Variants in MMP9 observed in about 807,000 individuals in gnomAD.
MMP9 encodes matrix metalloproteinase-9.
Under a neutral mutation model 76.4 loss-of-function variants are expected in MMP9, and 73 were observed. That is an observed-to-expected ratio of 0.96 (90% confidence interval 0.79 to 1.16). The LOEUF (loss-of-function observed/expected upper bound fraction) is 1.16, where lower values mean the gene tolerates loss of function less well. MMP9 is among the 50% of genes most tolerant of loss of function. MMP9 has a pLI of 0.00. For synonymous variants in MMP9, 412 were observed against 408.4 expected, an observed-to-expected ratio of 1.01 and a Z score of -0.11; for missense variants, 943 against 973.0, an observed-to-expected ratio of 0.97 and a Z score of 0.41.
chr20:46,009,031 G>A lies in MMP9; in HGVS notation c.105G>A (p.Leu35=), dbSNP rs746251320. ...CCCTTGTGCTCTTCCCTGGAGACCTGAGAACCAATCTCACCGACAGGCAGC... is the reference window on the plus strand; with the variant it reads ...CCCTTGTGCTCTTCCCTGGAGACCTAAGAACCAATCTCACCGACAGGCAGC... ...QSTLVLFPGD[L]RTNLTDRQLA... Residue 35 remains leucine, a synonymous_variant, in exon 1 of 13, where the codon CTG becomes CTA. Transcript: ENST00000372330. The A allele has an allele frequency of 5.0e-6, 8 of 1,613,806 alleles. No individual in the cohort carries two copies. The highest frequency in any genetic ancestry group is 3.4e-6 in the Non-Finnish European group (4 of 1,179,966).
chr20:46,014,258 G>T lies in MMP9; in HGVS notation c.1885G>T (p.Gly629Trp). The change falls in exon 11 of 13, where the codon GGG (glycine) becomes TGG (tryptophan). Residue 629 changes from glycine (G) to tryptophan (W), a missense_variant. Physicochemically the swap from Gly to Trp is radical, Grantham distance 184 (BLOSUM62 -2). Transcript: ENST00000372330. ...SGRGKMLLFS[G>W]RRLWRFDVKA... ...CAGGGGGAAGATGCTGCTGTTCAGC[G>T]GGCGGCGCCTCTGGAGGTGAGCGCC... 1 of 1,523,752 alleles carries T rather than the reference G, an allele frequency of 6.6e-7. No individual in the cohort carries two copies. Among genetic ancestry groups the T allele is most frequent in the Middle Eastern group, 2.0e-4 (1 of 4,892 alleles). The allele number at this position is 1,523,752 out of a possible 1,614,324, so 94.4% of individuals were successfully genotyped here. A position where few individuals can be genotyped will look rare whatever the true frequency, so the allele number is the denominator to read the frequency against.
rs1436090899 is a variant in MMP9, at chr20:46,009,079, AG to A, written c.138+16del. On this transcript the variant is annotated intron_variant, in intron 1 of 12. Transcript: ENST00000372330. ...AGCTGGCAGAGGTGGGCAAACACCT[AG>A]TCTAGAGTTGGGGAGGGCTGTCCGT... The A allele has an allele frequency of 1.9e-6, 3 of 1,612,480 alleles. No individual in the cohort carries two copies. In the African/African-American group the frequency reaches 4.0e-5, roughly 22 times the overall value.
rs1299152761 is a variant in MMP9, at chr20:46,011,725, C to G, written c.975C>G (p.Leu325=). 4 of 1,612,970 alleles carry G rather than the reference C, an allele frequency of 2.5e-6. No homozygotes were observed. The highest frequency in any genetic ancestry group is 3.4e-6 in the Non-Finnish European group (4 of 1,179,898). ...ATTANYDRDK[L]FGFCPTRADS... ...CCGCCAACTACGACCGGGACAAGCT[C>G]TTCGGCTTCTGCCCGACCCGAGGTA... The change falls in exon 6 of 13, where the codon CTC becomes CTG. Residue 325 remains leucine, a synonymous_variant. Transcript: ENST00000372330.
Position 46,010,328 on chromosome 20 carries a change from A to AC in MMP9, c.372-155_372-154insC, listed in dbSNP as rs1555856948. On this transcript the variant is annotated intron_variant, in intron 2 of 12. Coordinates refer to ENST00000372330, the MANE Select transcript of MMP9 (RefSeq NM_004994.3). ...TGTGAGGGTCTAAGTAGACAAAAAA[A>AC]AAAAAAAAAAAAACAGTCTGGAAGC... Among the ~76,000 whole-genome samples, 615 of 108,652 alleles carry AC rather than the reference A, an allele frequency of 5.7e-3. 22 individuals are homozygous for AC. The highest frequency in any genetic ancestry group is 0.018 in the African/African-American group (542 of 29,386). 71.3% of individuals were successfully genotyped at this position (108,652 alleles called of 152,430 possible). A position where few individuals can be genotyped will look rare whatever the true frequency, so the allele number is the denominator to read the frequency against.
Position 46,013,167 on chromosome 20 carries a change from C to T in MMP9, c.1331-88C>T, listed in dbSNP as rs2084295126. Reference sequence around the variant, plus strand: ...GGAGGGGCCTGTGTGCCAGAGGAGGCTTCACTGAGAAGCTTAGGGGAGCAG... The same window carrying T: ...GGAGGGGCCTGTGTGCCAGAGGAGGTTTCACTGAGAAGCTTAGGGGAGCAG... On this transcript the variant is annotated intron_variant, in intron 8 of 12. Transcript: ENST00000372330. The surrounding 1 kb of genome is among the most constrained non-coding windows in gnomAD (Gnocchi z 4.5). 6.6e-7 allele frequency: 1 copy of T among 1,506,612 alleles called. No homozygotes were observed. Among genetic ancestry groups the T allele is most frequent in the Admixed American group, 1.7e-5 (1 of 59,842 alleles). 93.3% of individuals were successfully genotyped at this position (1,506,612 alleles called of 1,614,324 possible).
chr20:46,009,174 G>A, intron 1 of MMP9, 110 bp downstream of exon 1: 1 of 1,224,948 alleles, frequency 8.2e-7, no homozygotes, highest in Non-Finnish European at 1.2e-6. Flanking sequence ...TGTTGGTGGT[G>A]ATGGGCGTAT....
chr20:46,012,467 C>T lies in MMP9; in HGVS notation c.1215C>T (p.His405=), dbSNP rs200610760. Reference sequence around the variant, plus strand: ...TCGTGGCGGCGCATGAGTTCGGCCACGCGCTGGGCTTAGATCATTCCTCAG... The same window carrying T: ...TCGTGGCGGCGCATGAGTTCGGCCATGCGCTGGGCTTAGATCATTCCTCAG... The part of the protein sequence containing the change: ...LFLVAAHEFG[H]ALGLDHSSVP... Residue 405 remains histidine (H), a synonymous_variant, in exon 8 of 13, where the codon CAC becomes CAT. Transcript: ENST00000372330. 46 of 1,614,164 alleles carry T rather than the reference C, an allele frequency of 2.8e-5. No individual in the cohort carries two copies. In the Admixed American group the frequency reaches 6.0e-4, roughly 21 times the overall value.
Position 46,013,517 on chromosome 20 carries a change from G to A in MMP9, c.1593G>A (p.Leu531=), listed in dbSNP as rs1216646947. ...CCATCGCGGAGATTGGGAACCAGCT[G>A]TATTTGTTCAAGGATGGGTGAGGAG... ...FDAIAEIGNQ[L]YLFKDGKYWR... is the part of the protein sequence containing the mutation. The change falls in exon 9 of 13, where the codon CTG becomes CTA. Residue 531 remains leucine (L), a synonymous_variant. Transcript: ENST00000372330. The surrounding 1 kb of genome is among the most constrained non-coding windows in gnomAD (Gnocchi z 4.5). 5 of 1,613,982 alleles carry A rather than the reference G, an allele frequency of 3.1e-6. No homozygotes were observed. The highest frequency in any genetic ancestry group is 4.2e-6 in the Non-Finnish European group (5 of 1,180,012).
rs2084264033 is a variant in MMP9 at position 46,009,898 on chromosome 20, G to C, written c.171G>C (p.Val57=). The change falls in exon 2 of 13, where the codon GTG becomes GTC. Residue 57 remains valine, a synonymous_variant. Transcript: ENST00000372330. ...EYLYRYGYTR[V]AEMRGESKSL... ...TGTACCGCTATGGTTACACTCGGGT[G>C]GCAGAGATGCGTGGAGAGTCGAAAT... 6.4e-7 allele frequency: 1 copy of C among 1,552,058 alleles called. No homozygotes were observed. The highest frequency in any genetic ancestry group is 1.4e-5 in the African/African-American group (1 of 73,070).
In MMP9 at chr20:46,012,547, A is replaced by G. The variant is rs548050315; in HGVS notation, c.1295A>G (p.His432Arg). The change falls in exon 8 of 13, where the codon CAT becomes CGT. Residue 432 changes from histidine to arginine, a missense_variant. By Grantham distance (29) the His-to-Arg change is conservative. Coordinates refer to ENST00000372330, the MANE Select transcript of MMP9 (RefSeq NM_004994.3). ...CGCTTCACTGAGGGGCCCCCCTTGC[A>G]TAAGGACGACGTGAATGGCATCCGG... ...MYRFTEGPPL[H>R]KDDVNGIRHL... is the part of the protein sequence containing the mutation. 6.2e-7 allele frequency: 1 copy of G among 1,614,032 alleles called. No homozygotes were observed. Among genetic ancestry groups the G allele is most frequent in the East Asian group, 2.2e-5 (1 of 44,880 alleles).
At position 46,016,264 on chromosome 20, in the gene MMP9, T is replaced by G. The variant is rs756588901; in HGVS notation, c.2020T>G (p.Cys674Gly). The G allele has an allele frequency of 3.7e-6, 6 of 1,614,144 alleles. No individual in the cohort carries two copies. In the South Asian group the frequency reaches 4.4e-5, roughly 12 times the overall value. ...GTCTCCTGCAGAGAAAGCCTATTTC[T>G]GCCAGGACCGCTTCTACTGGCGCGT... ...VFQYREKAYF[C>G]QDRFYWRVSS... The change falls in exon 13 of 13, where the codon TGC (cysteine) becomes GGC (glycine). Residue 674 changes from cysteine (C) to glycine (G), a missense_variant. By Grantham distance (159) the Cys-to-Gly change is radical. Coordinates refer to ENST00000372330, the MANE Select transcript of MMP9 (RefSeq NM_004994.3).
At chr20:46,010,181 T>TGG in intron 2 of MMP9, 83 bp downstream of exon 2, 8 of 1,263,354 alleles carry the variant, frequency 6.3e-6, no homozygotes, top group Middle Eastern at 5.4e-4. Flanking sequence ...TGTCCTGTCT[T>TGG]GGACGCGTCC....
chr20:46,011,757 C>A lies in MMP9; in HGVS notation c.997+10C>A. 6.2e-7 allele frequency: 1 copy of A among 1,607,440 alleles called. No homozygotes were observed. The highest frequency in any genetic ancestry group is 1.1e-5 in the South Asian group (1 of 90,854). The stretch of plus-strand genomic sequence containing the variant: ...TTCTGCCCGACCCGAGGTACCTCCA[C>A]CCTGTCTACCAGGTTCAGCCCCGCC... On this transcript the variant is annotated intron_variant, in intron 6 of 12. Coordinates refer to ENST00000372330, the MANE Select transcript of MMP9 (RefSeq NM_004994.3).
chr20:46,012,344 G>A, intron 7 of MMP9, 31 bp downstream of exon 7: 4 of 1,612,548 alleles, frequency 2.5e-6, no homozygotes, highest in Non-Finnish European at 3.4e-6. Flanking sequence ...CCGGGGCTGG[G>A]GTTCCCGGCA....
rs1042913543 is a variant in MMP9 at position 46,010,097 on chromosome 20, T to C, written c.370T>C (p.Trp124Arg). The C allele has an allele frequency of 8.0e-7, 1 of 1,253,340 alleles. No individual in the cohort carries two copies. Among genetic ancestry groups the C allele is most frequent in the African/African-American group, 1.5e-5 (1 of 64,586 alleles). 77.6% of individuals were successfully genotyped at this position (1,253,340 alleles called of 1,614,324 possible). ...LKWHHHNITY[W>R]IQNYSEDLPR... ...GTGGCACCACCACAACATCACCTAT[T>C]GGTGAGCCGGGGCCGTGGGGGCAGC... The change falls in exon 2 of 13, where the codon TGG becomes CGG. Residue 124 changes from tryptophan to arginine, a missense_variant and splice_region_variant. Transcript: ENST00000372330.
Position 46,013,619 on chromosome 20 carries a change from A to G in MMP9, c.1611-38A>G, listed in dbSNP as rs1179223679. ...TTCCCGCCCACTGGCCCTGTGTCCA[A>G]GGCTTAGAGCCCGTCCTTTCCCTCC... On this transcript the variant is annotated intron_variant, in intron 9 of 12. Coordinates refer to ENST00000372330, the MANE Select transcript of MMP9 (RefSeq NM_004994.3). This position sits in a 1 kb window ranked among gnomAD's most constrained non-coding sequence, Gnocchi z 4.5. 6.2e-7 allele frequency: 1 copy of G among 1,613,700 alleles called. No homozygotes were observed.
At chr20:46,009,434 G>C (rs755388367) in intron 1 of MMP9, among the ~76,000 whole-genome samples, 3 of 152,020 alleles carry the variant, frequency 2.0e-5, no homozygotes, top group Non-Finnish European at 4.4e-5. Flanking sequence ...GTCTAAGGAG[G>C]GGAGATCCCT....
rs58031394 is a variant in MMP9 at position 46,010,321 on chromosome 20, C to CAAAAAAAAAAAAAAAAAAAAAA, written c.372-142_372-141insAAAAAAAAAAAAAAAAAAAAAA. 8.6e-4 allele frequency among the ~76,000 whole-genome samples: 54 copies of CAAAAAAAAAAAAAAAAAAAAAA among 62,430 alleles called. 7 individuals are homozygous for CAAAAAAAAAAAAAAAAAAAAAA. Among genetic ancestry groups the CAAAAAAAAAAAAAAAAAAAAAA allele is most frequent in the African/African-American group, 1.1e-3 (13 of 11,492 alleles). The allele number at this position is 62,430 out of a possible 152,430, so 41.0% of individuals were successfully genotyped here. A position where few individuals can be genotyped will look rare whatever the true frequency, so the allele number is the denominator to read the frequency against. On this transcript the variant is annotated intron_variant, in intron 2 of 12. Transcript: ENST00000372330. ...GGGCCATTGTGAGGGTCTAAGTAGACAAAAAAAAAAAAAAAAAAAACAGTC... is the reference window on the plus strand; with the variant it reads ...GGGCCATTGTGAGGGTCTAAGTAGACAAAAAAAAAAAAAAAAAAAAAAAAAAAAAAAAAAAAAAAAAACAGTC...
At chr20:46,015,292 A>C (rs1370713264) in intron 12 of MMP9, among the ~76,000 whole-genome samples, 1 of 152,162 alleles carries the variant, frequency 6.6e-6, no homozygotes, top group Admixed American at 6.5e-5. Flanking sequence ...CTCTGTCTGG[A>C]AAGCTTCCCC....
Sources: allele counts gnomAD v4.1 joint callset (sites outside exome capture counted in the v4.1 genomes callset), GRCh38; gene constraint gnomAD v4.1.1; non-coding constraint Gnocchi (gnomAD v3.1); transcripts MANE v1.5; gene names NCBI Gene and HGNC (gene_info 2026-07-23, HGNC 2026-07-21).